The following KIAA0586 variants were observed in gnomAD, a reference collection of about 807,000 sequenced individuals.
The protein encoded by KIAA0586 is KIAA0586.
KIAA0586 carries 144 observed loss-of-function variants against 169.8 expected under a neutral mutation model. The observed-to-expected ratio is 0.85, with a 90% CI of 0.74 to 0.97. The LOEUF (loss-of-function observed/expected upper bound fraction) is 0.97, where lower values mean the gene tolerates loss of function less well. KIAA0586 is among the 50% of genes least tolerant of loss of function. The probability of loss-of-function intolerance (pLI) is 0.00; values close to 1 mark genes in which losing one functional copy is unlikely to be tolerated. For missense variants in KIAA0586, 1,854 were observed against 1,823.0 expected (o/e 1.02, Z -0.31); for synonymous variants, 625 against 612.4 (o/e 1.02, Z -0.30).
chr14:58,473,134 A>G (rs927049840), intron 18 of KIAA0586, among the ~76,000 whole-genome samples: 4 of 151,794 alleles, frequency 2.6e-5, no homozygotes, highest in African/African-American at 9.7e-5. Flanking sequence ...TCTGCCATTT[A>G]TAAGCTGTGG....
chr14:58,493,538 T>G (rs2042957388), intron 26 of KIAA0586, among the ~76,000 whole-genome samples: 1 of 152,174 alleles, frequency 6.6e-6, no homozygotes, highest in Non-Finnish European at 1.5e-5. Flanking sequence ...ATCTGAAGAC[T>G]ATATAGGGCC....
chr14:58,452,351 A>C (rs556028809), intron 8 of KIAA0586, among the ~76,000 whole-genome samples: 1 of 152,366 alleles, frequency 6.6e-6, no homozygotes, highest in South Asian at 2.1e-4. Flanking sequence ...AAAGTAAGTG[A>C]AATATTAAAC....
At chr14:58,445,783 CTTT>C (rs34119416) in intron 6 of KIAA0586, among the ~76,000 whole-genome samples, 3 of 124,784 alleles carry the variant, frequency 2.4e-5, no homozygotes, top group Non-Finnish European at 3.2e-5. Flanking sequence ...TCAGTAAACT[CTTT>C]TTTTTTTTTT....
At chr14:58,463,902 C>T (rs539770278) in intron 14 of KIAA0586, 49 of 327,000 alleles carry the variant, frequency 1.5e-4, no homozygotes, top group African/African-American at 6.9e-4. Flanking sequence ...GTGTAGGTGA[C>T]GGTCTGAGAC....
intron 27 of KIAA0586, among the ~76,000 whole-genome samples, chr14:58,506,212 A>G (rs183498945): frequency 1.9e-4 from 29 of 152,212 alleles, no homozygotes; most frequent in South Asian, 2.1e-4. Context: ...AGGAATAGAA[A>G]AAGGCGTATC....
chr14:58,554,977 G>T (rs1378856131), downstream of KIAA0586, among the ~76,000 whole-genome samples: 2 of 151,960 alleles, frequency 1.3e-5, no homozygotes, highest in Admixed American at 1.3e-4. Flanking sequence ...AATCCTATAG[G>T]ACTGTTATGG....
At chr14:58,553,286 G>A (rs529386954), downstream of KIAA0586, among the ~76,000 whole-genome samples, 1 of 152,274 alleles carries the variant, frequency 6.6e-6, no homozygotes, top group Admixed American at 6.5e-5. Flanking sequence ...ATTAAGCAGA[G>A]GTATTCCTAT....
At chr14:58,492,332 A>G in intron 26 of KIAA0586, 57 bp downstream of exon 26, 1 of 1,459,302 alleles carries the variant, frequency 6.9e-7, no homozygotes, top group Non-Finnish European at 9.2e-7. Context: ...GGAAAAAATT[A>G]AAATATTCTT....
At chr14:58,444,206 T>C (rs1391437892) in intron 6 of KIAA0586, 31 bp downstream of exon 6, 1 of 1,363,510 alleles carries the variant, frequency 7.3e-7, no homozygotes, top group South Asian at 1.2e-5. Flanking sequence ...ACAGATTCCA[T>C]AATCTTTTAT....
rs3929708 is a variant in KIAA0586, at chr14:58,488,046, G to A, written c.3464G>A (p.Gly1155Glu). 7 of 1,610,026 alleles carry A rather than the reference G, an allele frequency of 4.3e-6. No individual in the cohort carries two copies. Among genetic ancestry groups the A allele is most frequent in the Non-Finnish European group, 5.9e-6 (7 of 1,178,314 alleles). Residue 1155 changes from glycine to glutamate, a missense_variant, in exon 23 of 31, where the codon GGA becomes GAA. Transcript: ENST00000652326. ...GAGCTTCCCAAGCCATGGGGTGATG[G>A]AGACCTGCCACTGGAAGAAGAGAAC... ...SPELPKPWGD[G>E]DLPLEEENPN...
intron 30 of KIAA0586, among the ~76,000 whole-genome samples, chr14:58,546,598 AT>A (rs1395380127): frequency 1.6e-4 from 25 of 152,152 alleles, no homozygotes; most frequent in African/African-American, 6.0e-4. Flanking sequence ...TTAAATGAGG[AT>A]TTTTGTTTGT....
intron 14 of KIAA0586, among the ~76,000 whole-genome samples, chr14:58,463,429 C>T (rs145070540): frequency 6.6e-6 from 1 of 152,090 alleles, no homozygotes; most frequent in Non-Finnish European, 1.5e-5. Flanking sequence ...TAAATAAACA[C>T]TTAAGAAAAA....
chr14:58,464,046 A>C, intron 14 of KIAA0586: 1 of 441,466 alleles, frequency 2.3e-6, no homozygotes. Flanking sequence ...TAATTGGGAG[A>C]ATTGATGATA....
chr14:58,450,493 T>A (rs2039274968), intron 7 of KIAA0586, 86 bp from the exon 8 acceptor site: 3 of 716,684 alleles, frequency 4.2e-6, no homozygotes, highest in South Asian at 3.6e-5. Context: ...TTGAATTTAT[T>A]TTTAAAGTAT....
chr14:58,521,425 G>A, intron 29 of KIAA0586: 1 of 788,436 alleles, frequency 1.3e-6, no homozygotes, highest in Non-Finnish European at 2.3e-6. Context: ...GCCGCTGTAG[G>A]TGGAGATGTA....
chr14:58,502,047 G>A (rs956975028), intron 27 of KIAA0586, among the ~76,000 whole-genome samples: 4 of 152,118 alleles, frequency 2.6e-5, no homozygotes, highest in Admixed American at 6.5e-5. Context: ...TCCTCACCAT[G>A]TTAACCAGTC....
At chr14:58,517,570 T>A (rs961381863) in intron 29 of KIAA0586, among the ~76,000 whole-genome samples, 9 of 152,206 alleles carry the variant, frequency 5.9e-5, no homozygotes, top group African/African-American at 2.2e-4. Context: ...TGACAGTTTC[T>A]TATAAAATTA....
chr14:58,438,647 A>G (rs571757799), intron 4 of KIAA0586, among the ~76,000 whole-genome samples: 24 of 152,366 alleles, frequency 1.6e-4, no homozygotes, highest in African/African-American at 5.8e-4. Context: ...GCTAAGTAGC[A>G]AGCCTCCGTT....
upstream of KIAA0586, chr14:58,427,596 A>G (rs770746938): frequency 2.0e-6 from 3 of 1,535,668 alleles, no homozygotes; most frequent in South Asian, 3.6e-5. Context: ...GAGGAATGGA[A>G]GAGCACCAGA....
Sources: allele counts gnomAD v4.1 joint callset (sites outside exome capture counted in the v4.1 genomes callset), GRCh38; gene constraint gnomAD v4.1.1; transcripts MANE v1.5; gene names NCBI Gene and HGNC (gene_info 2026-07-23, HGNC 2026-07-21).